The following SRPK2 variants were observed in gnomAD, a reference collection of about 807,000 sequenced individuals.
SRPK2 encodes SFRS protein kinase 2.
A neutral mutation model predicts 90.8 loss-of-function variants in SRPK2; 21 were observed. The observed-to-expected ratio is 0.23, with a 90% CI of 0.16 to 0.33. The LOEUF is 0.33. Among genes scored for constraint, SRPK2 ranks in the 10% least tolerant of loss-of-function variants. The pLI, the probability that SRPK2 is intolerant of heterozygous loss-of-function variation, is 1.00. For missense variants in SRPK2, 620 were observed against 869.0 expected (o/e 0.71, Z 3.60); for synonymous variants, 288 against 311.1 (o/e 0.93, Z 0.78).
chr7:105,344,157 C>T (rs1484267006), intron 2 of SRPK2, among the ~76,000 whole-genome samples: 1 of 152,152 alleles, frequency 6.6e-6, no homozygotes, highest in Admixed American at 6.6e-5. Context: ...CCTTACAAAA[C>T]CATAAGGCTT....
In SRPK2 at chr7:105,172,895, A is replaced by G. The variant is rs1791335373; in HGVS notation, c.230-3630T>C. ...AAAAAGAAACCTGTATCACTAGTAT[A>G]TGTTTCAGATTCAAATTCTCAATTA... is the stretch of plus-strand genomic sequence containing the variant. On this transcript the variant is annotated intron_variant, in intron 3 of 15. Coordinates refer to ENST00000393651, the MANE Select transcript of SRPK2 (RefSeq NM_182692.3). 1.3e-5 allele frequency among the ~76,000 whole-genome samples: 2 copies of G among 152,252 alleles called. 1 individual carries two copies. Among genetic ancestry groups the G allele is most frequent in the South Asian group, 4.1e-4 (2 of 4,836 alleles).
At chr7:105,268,739 A>G (rs1805431339) in intron 2 of SRPK2, 4 of 1,519,248 alleles carry the variant, frequency 2.6e-6, no homozygotes, top group Non-Finnish European at 3.6e-6. Context: ...AGAAAAAAAA[A>G]TATGTCCTGG....
chr7:105,148,819 A>G (rs1307276175), intron 7 of SRPK2, among the ~76,000 whole-genome samples: 3 of 152,218 alleles, frequency 2.0e-5, no homozygotes, highest in Non-Finnish European at 4.4e-5. Context: ...GCTCACAAAA[A>G]CATGTGTTAT....
At chr7:105,259,294 G>A (rs541509371) in intron 2 of SRPK2, among the ~76,000 whole-genome samples, 1 of 152,286 alleles carries the variant, frequency 6.6e-6, no homozygotes, top group African/African-American at 2.4e-5. Flanking sequence ...TTGCTTCAGA[G>A]AGAATAAAAT....
chr7:105,311,629 TA>T (rs775892275), intron 2 of SRPK2, among the ~76,000 whole-genome samples: 139 of 151,996 alleles, frequency 9.1e-4, no homozygotes, highest in Non-Finnish European at 1.2e-3. Context: ...AGAATGCAAA[TA>T]AAAACCATGA....
At chr7:105,235,399 T>C (rs1160081974) in intron 2 of SRPK2, among the ~76,000 whole-genome samples, 1 of 152,224 alleles carries the variant, frequency 6.6e-6, no homozygotes, top group Non-Finnish European at 1.5e-5. Context: ...AGTAAAGCCA[T>C]CTCTTTAGTC....
rs57579139 is a variant in SRPK2 at position 105,123,357 on chromosome 7, T to C, written c.1915+2891A>G. ...CCTTAACACACAGACCCCACTCTTCTCTGGCTGCGTGGCAAGGATGAAAAT... is the reference window on the plus strand; with the variant it reads ...CCTTAACACACAGACCCCACTCTTCCCTGGCTGCGTGGCAAGGATGAAAAT... On this transcript the variant is annotated intron_variant, in intron 15 of 15. Coordinates refer to ENST00000393651, the MANE Select transcript of SRPK2 (RefSeq NM_182692.3). Among the ~76,000 whole-genome samples the C allele has an allele frequency of 1.7e-4, 26 of 152,242 alleles. No homozygotes were observed. The East Asian group carries it at 4.8e-3, about 28-fold the overall frequency.
intron 2 of SRPK2, among the ~76,000 whole-genome samples, chr7:105,328,865 C>CAAA (rs527900668): frequency 3.1e-5 from 2 of 64,214 alleles, no homozygotes; most frequent in African/African-American, 6.0e-5. Context: ...ACTCTGTCTC[C>CAAA]AAAAAAAAAA....
intron 2 of SRPK2, among the ~76,000 whole-genome samples, chr7:105,358,041 T>C (rs1213153092): frequency 6.6e-6 from 1 of 151,514 alleles, no homozygotes; most frequent in African/African-American, 2.4e-5. Flanking sequence ...CTGACCAACA[T>C]GGTAAAACCC....
intron 13 of SRPK2, among the ~76,000 whole-genome samples, chr7:105,129,955 G>T (rs1285741277): frequency 6.6e-6 from 1 of 152,126 alleles, no homozygotes; most frequent in Non-Finnish European, 1.5e-5. Context: ...GACTCACCAT[G>T]GAGTTCATAA....
chr7:105,273,583 G>A (rs1381443557), intron 2 of SRPK2, among the ~76,000 whole-genome samples: 1 of 151,928 alleles, frequency 6.6e-6, no homozygotes, highest in African/African-American at 2.4e-5. Flanking sequence ...GCACCACCAC[G>A]CCTAGCTACC....
At position 105,357,218 on chromosome 7, in the gene SRPK2, T is replaced by C. The variant is rs138529171; in HGVS notation, c.71+31430A>G. Among the ~76,000 whole-genome samples the C allele has an allele frequency of 9.1e-3, 1,384 of 151,934 alleles. 21 individuals carry two copies. Among genetic ancestry groups the C allele is most frequent in the African/African-American group, 0.03 (1,230 of 41,420 alleles). On this transcript the variant is annotated intron_variant, in intron 2 of 15. Coordinates refer to ENST00000393651, the MANE Select transcript of SRPK2 (RefSeq NM_182692.3). ...CGCCTGGCTAATTTTTTGTATTTTG[T>C]TTAGTAGAGATGGGGTTTCACTGTG...
chr7:105,206,918 A>G (rs1193424290), intron 2 of SRPK2, among the ~76,000 whole-genome samples: 1 of 152,202 alleles, frequency 6.6e-6, no homozygotes, highest in Non-Finnish European at 1.5e-5. Context: ...ATAAGTGATG[A>G]TTATCTTTCC....
chr7:105,391,346 C>T (rs906951748), upstream of SRPK2, among the ~76,000 whole-genome samples: 1 of 152,098 alleles, frequency 6.6e-6, no homozygotes, highest in Non-Finnish European at 1.5e-5. Context: ...GCTGGGATTA[C>T]AGGCATGTGC....
intron 2 of SRPK2, among the ~76,000 whole-genome samples, chr7:105,269,667 T>C (rs897214328): frequency 8.5e-5 from 13 of 152,068 alleles, no homozygotes; most frequent in Non-Finnish European, 1.6e-4. Context: ...GGAAGGGAGA[T>C]AACAGACTAA....
chr7:105,253,327 G>A (rs992232492), intron 2 of SRPK2, among the ~76,000 whole-genome samples: 1 of 152,078 alleles, frequency 6.6e-6, no homozygotes, highest in African/African-American at 2.4e-5. Flanking sequence ...CATGCTAGGG[G>A]GAAAAATATA....
chr7:105,164,096 A>G (rs1014453660), intron 6 of SRPK2, among the ~76,000 whole-genome samples: 2 of 152,244 alleles, frequency 1.3e-5, no homozygotes, highest in African/African-American at 4.8e-5. Flanking sequence ...TCCTGAAGAC[A>G]AAGCACAATC....
chr7:105,276,613 C>T (rs1470392040), intron 2 of SRPK2, among the ~76,000 whole-genome samples: 1 of 151,734 alleles, frequency 6.6e-6, no homozygotes, highest in Non-Finnish European at 1.5e-5. Flanking sequence ...GTGACATGCA[C>T]GTGTGGTTCA....
chr7:105,388,711 G>A lies in SRPK2; in HGVS notation c.17-9C>T, dbSNP rs745446654. On this transcript the variant is annotated splice_polypyrimidine_tract_variant and intron_variant, in intron 1 of 15. Coordinates refer to ENST00000393651, the MANE Select transcript of SRPK2 (RefSeq NM_182692.3). Reference sequence around the variant, plus strand: ...GGCCTGAATGGCCAGCACTGGGGAAGAGAAGACACACATTAACGGTCGGGC... The same window carrying A: ...GGCCTGAATGGCCAGCACTGGGGAAAAGAAGACACACATTAACGGTCGGGC... The A allele has an allele frequency of 1.3e-6, 2 of 1,578,098 alleles. No homozygotes were observed. The highest frequency in any genetic ancestry group is 2.8e-5 in the African/African-American group (2 of 72,012).
Sources: gnomAD v4.1 joint callset for allele counts (sites outside exome capture counted in the v4.1 genomes callset) on GRCh38, gnomAD v4.1.1 for gene constraint, MANE v1.5 for transcripts, NCBI Gene and HGNC (gene_info 2026-07-23, HGNC 2026-07-21) for gene names.